NDE1: variants seen among roughly 807,000 people sequenced by gnomAD.
The protein encoded by NDE1 is nuclear distribution protein nudE homolog 1.
In NDE1, 28 loss-of-function variants were observed where a neutral mutation model predicts 43.4. That is an observed-to-expected ratio of 0.65 (90% confidence interval 0.48 to 0.89). The LOEUF (loss-of-function observed/expected upper bound fraction) is 0.89, where lower values mean the gene tolerates loss of function less well. Ranked by LOEUF, NDE1 falls within the 40% of genes least tolerant of loss-of-function variation. NDE1 has a pLI of 0.00. For synonymous variants in NDE1, 184 were observed against 172.0 expected, an observed-to-expected ratio of 1.07 and a Z score of -0.55; for missense variants, 441 against 434.1, an observed-to-expected ratio of 1.02 and a Z score of -0.14.
At chr16:15,666,343 G>A (rs1174240211) in intron 2 of NDE1, among the ~76,000 whole-genome samples, 2 of 151,946 alleles carry the variant, frequency 1.3e-5, no homozygotes, top group Non-Finnish European at 2.9e-5. Context: ...TTAGGTCCAG[G>A]CACAGTGGCT....
chr16:15,677,995 CT>C (rs1567639580), intron 4 of NDE1, 46 bp downstream of exon 4: 4 of 1,610,722 alleles, frequency 2.5e-6, no homozygotes, highest in Non-Finnish European at 3.4e-6. Context: ...CTCCTCTCTG[CT>C]TTTTGTCCCC....
intron 1 of NDE1, among the ~76,000 whole-genome samples, chr16:15,651,097 G>A (rs915985463): frequency 6.6e-6 from 1 of 152,156 alleles, no homozygotes; most frequent in Non-Finnish European, 1.5e-5. Flanking sequence ...ACCGCTTTTG[G>A]GGAGGCGACT....
At chr16:15,694,721 G>A (rs1240308457) in intron 7 of NDE1, 7 of 985,224 alleles carry the variant, frequency 7.1e-6, no homozygotes, top group African/African-American at 1.7e-5. Context: ...AGAGCTTCCT[G>A]TGGGAGTTAC....
chr16:15,716,590 C>T (rs1324238541), intron 8 of NDE1, among the ~76,000 whole-genome samples: 5 of 152,192 alleles, frequency 3.3e-5, no homozygotes, highest in Middle Eastern at 3.4e-3. Flanking sequence ...GGCACAATCT[C>T]GGCTCACTGC....
chr16:15,721,128 A>G, intron 8 of NDE1: 1 of 1,502,982 alleles, frequency 6.7e-7, no homozygotes, highest in Admixed American at 1.7e-5. Context: ...CGTGAGCGGC[A>G]CCTCAGGAGA....
At chr16:15,661,983 G>A (rs1464754915) in intron 1 of NDE1, among the ~76,000 whole-genome samples, 1 of 151,966 alleles carries the variant, frequency 6.6e-6, no homozygotes, top group East Asian at 1.9e-4. Flanking sequence ...GCCCAGGCTG[G>A]AGTGCAGTAC....
intron 8 of NDE1, chr16:15,717,318 CTG>C: frequency 6.2e-7 from 1 of 1,610,778 alleles, no homozygotes; most frequent in Non-Finnish European, 8.5e-7. Context: ...GTGCTGCGCT[CTG>C]TGGCCAGCTC....
chr16:15,677,402 G>A (rs1034455573), intron 3 of NDE1, among the ~76,000 whole-genome samples: 18 of 151,940 alleles, frequency 1.2e-4, no homozygotes, highest in African/African-American at 3.9e-4. Context: ...CCTGGCCAAC[G>A]TGGTAAAACC....
intron 8 of NDE1, chr16:15,701,839 A>G (rs2039231474): frequency 6.6e-6 from 1 of 152,216 alleles, no homozygotes; most frequent in Non-Finnish European, 1.5e-5. Flanking sequence ...TTCTTACCCT[A>G]GAAACATCCT....
chr16:15,714,770 A>C, intron 8 of NDE1: 1 of 1,107,842 alleles, frequency 9.0e-7, no homozygotes. Context: ...CTTAGTGATT[A>C]AGGAGAAGCA....
chr16:15,712,605 T>G (rs961567693), intron 8 of NDE1, among the ~76,000 whole-genome samples: 1 of 151,990 alleles, frequency 6.6e-6, no homozygotes, highest in Non-Finnish European at 1.5e-5. Context: ...AAAAGAGAAC[T>G]AAGTTGATAC....
At chr16:15,705,778 G>A (rs1017695859) in intron 8 of NDE1, among the ~76,000 whole-genome samples, 2 of 151,802 alleles carry the variant, frequency 1.3e-5, no homozygotes, top group African/African-American at 2.4e-5. Context: ...TCAGGAGATC[G>A]AGACCATCCT....
intron 3 of NDE1, among the ~76,000 whole-genome samples, 193 bp downstream of exon 3, chr16:15,667,632 GTT>G (rs1278177492): frequency 1.5e-5 from 2 of 132,822 alleles, no homozygotes. Context: ...TTTTTGTTTT[GTT>G]TTTTTTTTTT....
chr16:15,678,420 A>G (rs1424865027), intron 4 of NDE1, among the ~76,000 whole-genome samples: 2 of 152,058 alleles, frequency 1.3e-5, no homozygotes, highest in African/African-American at 4.8e-5. Flanking sequence ...GTTGGTGTAC[A>G]GTGGCGTGAT....
intron 1 of NDE1, among the ~76,000 whole-genome samples, chr16:15,658,608 A>G (rs2036887340): frequency 6.6e-6 from 1 of 152,246 alleles, no homozygotes; most frequent in Non-Finnish European, 1.5e-5. Flanking sequence ...ATGTCTGGAA[A>G]AAACAAGCAA....
intron 8 of NDE1, among the ~76,000 whole-genome samples, chr16:15,710,409 T>C (rs997682928): frequency 6.6e-6 from 1 of 152,068 alleles, no homozygotes; most frequent in Non-Finnish European, 1.5e-5. Flanking sequence ...TAATCTCAGC[T>C]ACTTGGGAGG....
Position 15,686,942 on chromosome 16 carries a change from C to T in NDE1, c.387-433C>T, listed in dbSNP as rs1248995712. 4 of 980,096 alleles carry T rather than the reference C, an allele frequency of 4.1e-6. No individual in the cohort carries two copies. In the African/African-American group the frequency reaches 7.0e-5, roughly 17 times the overall value. 60.7% of individuals were successfully genotyped at this position (980,096 alleles called of 1,614,324 possible). ...GAACTCCTGATCTCAGGTCTTCCAC[C>T]TGCCTCGGCCTCCCAAAGGGCTGGG... On this transcript the variant is annotated intron_variant, in intron 4 of 8. Coordinates refer to ENST00000396354, the MANE Select transcript of NDE1 (RefSeq NM_017668.3).
intron 4 of NDE1, chr16:15,686,447 A>G (rs2038443342): frequency 1.0e-6 from 1 of 985,306 alleles, no homozygotes; most frequent in South Asian, 4.7e-5. Context: ...GGTTGTGAGC[A>G]GGGCAGCTGG....
intron 8 of NDE1, chr16:15,699,982 T>C (rs2039171450): frequency 2.9e-5 from 35 of 1,198,276 alleles, no homozygotes; most frequent in Non-Finnish European, 3.6e-5. Flanking sequence ...GGCCATCACC[T>C]GTGCTCTGGG....
Sources: gnomAD v4.1 joint callset for allele counts (sites outside exome capture counted in the v4.1 genomes callset) on GRCh38, gnomAD v4.1.1 for gene constraint, MANE v1.5 for transcripts, NCBI Gene and HGNC (gene_info 2026-07-23, HGNC 2026-07-21) for gene names.